The following STIM2 variants were observed in gnomAD, a reference collection of about 807,000 sequenced individuals.
STIM2 encodes stromal interaction molecule 2.
STIM2 carries 31 observed loss-of-function variants against 85.8 expected under a neutral mutation model. That is an observed-to-expected ratio of 0.36 (90% confidence interval 0.27 to 0.49). The LOEUF is 0.49. Among genes scored for constraint, STIM2 ranks in the 20% least tolerant of loss-of-function variants. STIM2 has a pLI of 0.98. For synonymous variants in STIM2, 356 were observed against 331.1 expected, an observed-to-expected ratio of 1.08 and a Z score of -0.82; for missense variants, 841 against 927.6, an observed-to-expected ratio of 0.91 and a Z score of 1.21.
intron 3 of STIM2, among the ~76,000 whole-genome samples, chr4:26,984,513 A>G (rs1727511460): frequency 6.6e-6 from 1 of 152,068 alleles, no homozygotes; most frequent in Non-Finnish European, 1.5e-5. Context: ...GGTGCATGCC[A>G]CCACACCTGG....
At chr4:26,977,138 G>C (rs927088908) in intron 3 of STIM2, among the ~76,000 whole-genome samples, 2 of 152,184 alleles carry the variant, frequency 1.3e-5, no homozygotes, top group African/African-American at 4.8e-5. Context: ...GGGTGAGTCA[G>C]GGGACAATCT....
intron 8 of STIM2, chr4:27,008,014 G>A: frequency 2.8e-6 from 2 of 717,058 alleles, no homozygotes; most frequent in Non-Finnish European, 5.2e-6. Context: ...CAGGTTAGTA[G>A]TTACTGGAAA....
chr4:26,956,405 T>C (rs1323294921), intron 2 of STIM2, among the ~76,000 whole-genome samples: 2 of 151,772 alleles, frequency 1.3e-5, no homozygotes, highest in African/African-American at 2.4e-5. Flanking sequence ...AAAAGTAATA[T>C]AGAACAGGTT....
At chr4:26,934,526 A>G (rs1305043459) in intron 2 of STIM2, among the ~76,000 whole-genome samples, 3 of 152,186 alleles carry the variant, frequency 2.0e-5, no homozygotes, top group Non-Finnish European at 2.9e-5. Flanking sequence ...ATCATATAGC[A>G]CATTAGTTGC....
At chr4:26,965,546 T>A (rs935099435) in intron 3 of STIM2, among the ~76,000 whole-genome samples, 2 of 152,066 alleles carry the variant, frequency 1.3e-5, no homozygotes, top group Non-Finnish European at 2.9e-5. Context: ...TTAATCATGA[T>A]CTTATGTTAG....
intron 3 of STIM2, among the ~76,000 whole-genome samples, chr4:26,973,565 A>G (rs1727062964): frequency 6.6e-6 from 1 of 152,070 alleles, no homozygotes; most frequent in Non-Finnish European, 1.5e-5. Context: ...GAATTTCTTA[A>G]TCCTGAGTTC....
At chr4:26,957,556 G>C in intron 2 of STIM2, 56 bp from the exon 3 acceptor site, 1 of 1,034,140 alleles carries the variant, frequency 9.7e-7, no homozygotes, top group Non-Finnish European at 1.4e-6. Context: ...TTTTTCTCTA[G>C]TTGTCAAGAC....
intron 1 of STIM2, among the ~76,000 whole-genome samples, chr4:26,897,647 G>C (rs1380524638): frequency 6.6e-6 from 1 of 152,134 alleles, no homozygotes; most frequent in South Asian, 2.1e-4. Context: ...ATGCATTGCT[G>C]TCCTTTATTA....
chr4:26,939,734 G>C (rs1725528096), intron 2 of STIM2, among the ~76,000 whole-genome samples: 1 of 151,994 alleles, frequency 6.6e-6, no homozygotes, highest in African/African-American at 2.4e-5. Flanking sequence ...CTCCTGAAGG[G>C]CTTGGCAAAC....
At position 27,022,548 on chromosome 4, in the gene STIM2, A is replaced by G. The variant is rs752789594; in HGVS notation, c.1793A>G (p.Asp598Gly). 4 of 1,601,276 alleles carry G rather than the reference A, an allele frequency of 2.5e-6. No homozygotes were observed. Among genetic ancestry groups the G allele is most frequent in the South Asian group, 1.1e-5 (1 of 90,536 alleles). ...GTGCCAGACACAGCTTCAGAATGTG[A>G]CTCCTTAAATTCTTCCATTGGAAGG... The change falls in exon 12 of 12, where the codon GAC (aspartate) becomes GGC (glycine). Residue 598 changes from aspartate to glycine, a missense_variant. By Grantham distance (94) the Asp-to-Gly change is moderately conservative (BLOSUM62 -1). Around this residue, in one of 3 missense-constraint regions of STIM2, gnomAD observed 293 missense variants for 284.5 expected, o/e 1.03. Coordinates refer to ENST00000467087, the MANE Select transcript of STIM2 (RefSeq NM_020860.4).
At chr4:26,887,283 G>A (rs1339616979) in intron 1 of STIM2, among the ~76,000 whole-genome samples, 1 of 126,942 alleles carries the variant, frequency 7.9e-6, no homozygotes, top group African/African-American at 3.0e-5. Context: ...TTTGTTTGAT[G>A]TTGCTTTCAT....
At chr4:27,007,850 A>G (rs144894670) in intron 8 of STIM2, 150 bp downstream of exon 8, 1 of 817,910 alleles carries the variant, frequency 1.2e-6, no homozygotes, top group South Asian at 1.9e-5. Flanking sequence ...AATAGACTCT[A>G]GTAATCATAA....
At chr4:26,993,035 A>G (rs759343757) in intron 3 of STIM2, among the ~76,000 whole-genome samples, 1 of 152,042 alleles carries the variant, frequency 6.6e-6, no homozygotes, top group African/African-American at 2.4e-5. Context: ...GATGTGCTGA[A>G]GTGTTTAGAT....
intron 6 of STIM2, 43 bp downstream of exon 6, chr4:27,002,437 A>G (rs763115135): frequency 2.0e-6 from 3 of 1,504,874 alleles, no homozygotes; most frequent in Admixed American, 4.3e-5. Flanking sequence ...AGGCAAATAC[A>G]ATTTGTAAAA....
Position 27,017,692 on chromosome 4 carries a change from C to CT in STIM2, c.1490-16dup. ...AACCCTGGACTTCATGAGCATGTTT[C>CT]TTTCTTGGTGTTTTTCAGGGACCAT... On this transcript the variant is annotated intron_variant, in intron 10 of 11. Transcript: ENST00000467087. 1 of 1,611,638 alleles carries CT rather than the reference C, an allele frequency of 6.2e-7. No individual in the cohort carries two copies. Among genetic ancestry groups the CT allele is most frequent in the Non-Finnish European group, 8.5e-7 (1 of 1,177,982 alleles).
At chr4:26,985,319 G>T (rs1727544147) in intron 3 of STIM2, among the ~76,000 whole-genome samples, 1 of 152,026 alleles carries the variant, frequency 6.6e-6, no homozygotes, top group Admixed American at 6.5e-5. Flanking sequence ...CTGAACCTTA[G>T]GTTAATTCAG....
At chr4:26,896,816 C>T (rs895281837) in intron 1 of STIM2, among the ~76,000 whole-genome samples, 2 of 152,194 alleles carry the variant, frequency 1.3e-5, no homozygotes, top group African/African-American at 4.8e-5. Flanking sequence ...CATTTCAAGA[C>T]ACAGGACTGC....
At chr4:26,987,269 C>T (rs1246916011) in intron 3 of STIM2, among the ~76,000 whole-genome samples, 1 of 152,146 alleles carries the variant, frequency 6.6e-6, no homozygotes, top group Non-Finnish European at 1.5e-5. Flanking sequence ...GTTTTCATCC[C>T]TTTTTAAGTG....
intron 1 of STIM2, among the ~76,000 whole-genome samples, chr4:26,903,416 C>G (rs551961231): frequency 6.6e-6 from 1 of 152,148 alleles, no homozygotes; most frequent in South Asian, 2.1e-4. Flanking sequence ...GTTATACACA[C>G]GTGCATACTT....
Sources: allele counts gnomAD v4.1 joint callset (sites outside exome capture counted in the v4.1 genomes callset), GRCh38; gene constraint gnomAD v4.1.1; regional missense constraint gnomAD v4.1.1; transcripts MANE v1.5; gene names NCBI Gene and HGNC (gene_info 2026-07-23, HGNC 2026-07-21).